SLC9A3: variants seen among roughly 807,000 people sequenced by gnomAD.
The protein encoded by SLC9A3 is sodium/hydrogen exchanger 3.
A neutral mutation model predicts 86.8 loss-of-function variants in SLC9A3; 37 were observed. The observed-to-expected ratio is 0.43, with a 90% CI of 0.33 to 0.56. The LOEUF (loss-of-function observed/expected upper bound fraction) is 0.56, where lower values mean the gene tolerates loss of function less well. Among genes scored for constraint, SLC9A3 ranks in the 20% least tolerant of loss-of-function variants. The pLI is 0.06. For missense variants in SLC9A3, 1,011 were observed against 1,171.9 expected (o/e 0.86, Z 2.00); for synonymous variants, 581 against 528.3 (o/e 1.10, Z -1.37).
At position 496,209 on chromosome 5, in the gene SLC9A3, G is replaced by A. The variant is rs994163192; in HGVS notation, c.212-4138C>T. ...CGGGGTTGGAAAGGGTGTTGGACAC[G>A]CCTTTCCCATGTGCGGTGGCGTCCG... On this transcript the variant is annotated intron_variant, in intron 1 of 16. Coordinates refer to ENST00000264938, the MANE Select transcript of SLC9A3 (RefSeq NM_004174.4). This position sits in a 1 kb window ranked among gnomAD's most constrained non-coding sequence, Gnocchi z 4.7. Among the ~76,000 whole-genome samples the A allele has an allele frequency of 1.3e-5, 2 of 152,174 alleles. No individual in the cohort carries two copies. The highest frequency in any genetic ancestry group is 4.8e-5 in the African/African-American group (2 of 41,464).
intron 1 of SLC9A3, among the ~76,000 whole-genome samples, chr5:500,619 T>A (rs59121960): frequency 1.7e-5 from 1 of 57,938 alleles, no homozygotes; most frequent in African/African-American, 7.5e-5. Context: ...CCGGTGTGGA[T>A]GGGGCAGGCG....
chr5:474,095 A>C (rs1039377408), intron 16 of SLC9A3, among the ~76,000 whole-genome samples: 1 of 151,968 alleles, frequency 6.6e-6, no homozygotes, highest in African/African-American at 2.4e-5. Context: ...CTGGAGAGAG[A>C]GAGCGCGCCA....
intron 4 of SLC9A3, 80 bp downstream of exon 4, chr5:485,073 G>A: frequency 9.3e-7 from 1 of 1,081,070 alleles, no homozygotes; most frequent in Non-Finnish European, 1.4e-6. Flanking sequence ...GCTTTTTCCT[G>A]CATGGGCTGC....
At chr5:500,271 C>T (rs371102707) in intron 1 of SLC9A3, among the ~76,000 whole-genome samples, 5 of 152,262 alleles carry the variant, frequency 3.3e-5, no homozygotes, top group East Asian at 1.9e-4. Flanking sequence ...AGAAGCCAAA[C>T]CACGAGAAGC....
chr5:488,679 C>T (rs112146074), intron 2 of SLC9A3, among the ~76,000 whole-genome samples: 1 of 152,258 alleles, frequency 6.6e-6, no homozygotes, highest in African/African-American at 2.4e-5. Flanking sequence ...GAGGGGGCCA[C>T]CCCATCTGAG....
intron 1 of SLC9A3, among the ~76,000 whole-genome samples, chr5:507,357 C>T (rs1172086056): frequency 3.6e-4 from 14 of 39,328 alleles, no homozygotes; most frequent in African/African-American, 1.3e-3. Context: ...TTAGTAGAGA[C>T]GGGGTTTCAC....
chr5:523,781 G>A (rs985981224), intron 1 of SLC9A3, among the ~76,000 whole-genome samples: 2 of 152,176 alleles, frequency 1.3e-5, no homozygotes, highest in African/African-American at 4.8e-5. Flanking sequence ...AGGAAACCCG[G>A]CCCCGGGGAC....
At chr5:485,383 G>A in intron 3 of SLC9A3, 152 bp from the exon 4 acceptor site, 5 of 691,922 alleles carry the variant, frequency 7.2e-6, no homozygotes, top group Non-Finnish European at 1.3e-5. Context: ...GGCCCCCAAA[G>A]GGGAGAAGCC....
rs192708833 is a variant in SLC9A3, at chr5:501,150, G to A, written c.212-9079C>T. 2.7e-3 allele frequency among the ~76,000 whole-genome samples: 413 copies of A among 152,290 alleles called. 2 individuals carry two copies. The highest frequency in any genetic ancestry group is 9.4e-3 in the African/African-American group (390 of 41,566). On this transcript the variant is annotated intron_variant, in intron 1 of 16. Transcript: ENST00000264938. ...CCCTGTGCCTGGAGGAGGAAGGGCC[G>A]GCGCTGGCAAACCAGACATTTCCGG...
intron 4 of SLC9A3, 53 bp downstream of exon 4, chr5:485,100 T>C: frequency 7.6e-7 from 1 of 1,316,552 alleles, no homozygotes; most frequent in South Asian, 1.2e-5. Context: ...GAGAAGACAG[T>C]TGGCCCCAGA....
chr5:516,968 C>A (rs562004546), intron 1 of SLC9A3, among the ~76,000 whole-genome samples: 10 of 152,324 alleles, frequency 6.6e-5, no homozygotes, highest in Admixed American at 3.3e-4. Context: ...GAAGCTTACA[C>A]ATGGGAAGCC....
chr5:509,461 GGGAGGGAGGGAA>G (rs1346469343), intron 1 of SLC9A3, among the ~76,000 whole-genome samples: 1 of 146,494 alleles, frequency 6.8e-6, no homozygotes, highest in African/African-American at 2.5e-5. Flanking sequence ...GAAGGAAGGA[GGGAGGGAGGGAA>G]GGAGGGAGGG....
In SLC9A3 at chr5:476,623, G is replaced by C. The variant is rs763055603; in HGVS notation, c.1810C>G (p.Arg604Gly). The change falls in exon 12 of 17, where the codon CGA becomes GGA. Residue 604 changes from arginine to glycine, a missense_variant. Transcript: ENST00000264938. Reference sequence around the variant, plus strand: ...TCCGCGTCCCGGATGCTCCGCCGTCGCTGCTCCAGAGACTGCATGTCCAGG... The same window carrying C: ...TCCGCGTCCCGGATGCTCCGCCGTCCCTGCTCCAGAGACTGCATGTCCAGG... The part of the protein sequence containing the change: ...VCLDMQSLEQ[R>G]RRSIRDAEDM... The C allele has an allele frequency of 5.0e-6, 8 of 1,609,150 alleles. No homozygotes were observed. The highest frequency in any genetic ancestry group is 1.7e-5 in the Admixed American group (1 of 60,026).
chr5:476,155 C>G (rs560926336), intron 13 of SLC9A3, 47 bp downstream of exon 13: 6 of 1,611,996 alleles, frequency 3.7e-6, no homozygotes, highest in Non-Finnish European at 5.1e-6. Flanking sequence ...TGACTGCCCC[C>G]GCTCCAGGCC....
chr5:508,633 GC>G lies in SLC9A3; in HGVS notation c.211+15478del, dbSNP rs549222325. Among the ~76,000 whole-genome samples, 386 of 150,058 alleles carry G rather than the reference GC, an allele frequency of 2.6e-3. 5 individuals are homozygous for G. Among genetic ancestry groups the G allele is most frequent in the Admixed American group, 0.022 (327 of 15,072 alleles). On this transcript the variant is annotated intron_variant, in intron 1 of 16. Transcript: ENST00000264938. ...CCCATAGCGCGCCTGGGATGGAGATGCCGCGGGGAGACACAGCCCATAGCGC... is the reference window on the plus strand; with the variant it reads ...CCCATAGCGCGCCTGGGATGGAGATGCGCGGGGAGACACAGCCCATAGCGC...
chr5:489,894 C>T (rs1419055164), intron 2 of SLC9A3, among the ~76,000 whole-genome samples: 3 of 152,260 alleles, frequency 2.0e-5, no homozygotes, highest in Non-Finnish European at 2.9e-5. Context: ...TGTTCCAGGC[C>T]TTTCTCCACC....
intron 1 of SLC9A3, among the ~76,000 whole-genome samples, chr5:494,199 G>A (rs72702712): frequency 0.37 from 56,252 of 152,198 alleles, 11,051 homozygotes; most frequent in Non-Finnish European, 0.43. Context: ...GGACCCTAAC[G>A]CGTGCCCCGA....
chr5:520,207 G>A (rs147743626), intron 1 of SLC9A3, among the ~76,000 whole-genome samples: 74 of 152,280 alleles, frequency 4.9e-4, no homozygotes, highest in Non-Finnish European at 8.7e-4. Context: ...CCTCCTGTGC[G>A]TCCACGACCC....
In SLC9A3 at chr5:482,123, T is replaced by G; in HGVS notation, c.1391A>C (p.Lys464Thr). 6.2e-7 allele frequency: 1 copy of G among 1,606,552 alleles called. No individual in the cohort carries two copies. The highest frequency in any genetic ancestry group is 8.5e-7 in the Non-Finnish European group (1 of 1,177,404). ...LTIKPLVQWL[K>T]VKRSEHREPR... ...TTCCCGGTGCTCGCTCCTCTTCACC[T>G]TCAGCCACTGCACCAGAGGCTTGAT... The change falls in exon 8 of 17, where the codon AAG becomes ACG. Residue 464 changes from lysine (K) to threonine (T), a missense_variant. By Grantham distance (78) the Lys-to-Thr change is moderately conservative (BLOSUM62 -1). Transcript: ENST00000264938.
Sources: allele counts gnomAD v4.1 joint callset (sites outside exome capture counted in the v4.1 genomes callset), GRCh38; gene constraint gnomAD v4.1.1; non-coding constraint Gnocchi (gnomAD v3.1); transcripts MANE v1.5; gene names NCBI Gene and HGNC (gene_info 2026-07-23, HGNC 2026-07-21).